DENND2C: variants seen among roughly 807,000 people sequenced by gnomAD.
The protein encoded by DENND2C is DENN domain containing 2C, also known as DENN domain-containing protein 2C.
DENND2C carries 72 observed loss-of-function variants against 112.4 expected under a neutral mutation model. That is an observed-to-expected ratio of 0.64 (90% CI 0.53 to 0.78). DENND2C has a LOEUF of 0.78. Among genes scored for constraint, DENND2C ranks in the 30% least tolerant of loss-of-function variants. The pLI is 0.00. For synonymous variants in DENND2C, 329 were observed against 381.6 expected, an observed-to-expected ratio of 0.86 and a Z score of 1.61; for missense variants, 992 against 1,113.8, an observed-to-expected ratio of 0.89 and a Z score of 1.56.
At chr1:114,610,936 A>G in intron 9 of DENND2C, 137 bp downstream of exon 9, 1 of 962,384 alleles carries the variant, frequency 1.0e-6, no homozygotes, top group South Asian at 1.6e-5. Context: ...AAACCTCAAC[A>G]GGCTCTGAAA....
At chr1:114,604,847 G>T in intron 11 of DENND2C, 75 bp downstream of exon 11, 2 of 1,035,464 alleles carry the variant, frequency 1.9e-6, no homozygotes, top group Non-Finnish European at 3.0e-6. Flanking sequence ...ACTAATGGCT[G>T]TACCCATTTC....
intron 4 of DENND2C, among the ~76,000 whole-genome samples, chr1:114,624,879 C>G (rs1286445040): frequency 6.6e-6 from 1 of 152,134 alleles, no homozygotes; most frequent in East Asian, 1.9e-4. Context: ...CCTCAGCCTC[C>G]CAAAGTGCTG....
At position 114,613,528 on chromosome 1, in the gene DENND2C, G is replaced by C. The variant is rs146031909; in HGVS notation, c.1325-2411C>G. ...TCAAAATTAACCACCATGACAAAAA[G>C]TATAGTGTGACTATAAAATATTATT... On this transcript the variant is annotated intron_variant, in intron 8 of 20. Transcript: ENST00000393274. Among the ~76,000 whole-genome samples, 373 of 152,238 alleles carry C rather than the reference G, an allele frequency of 2.5e-3. 2 individuals are homozygous for C. Among genetic ancestry groups the C allele is most frequent in the Non-Finnish European group, 3.8e-3 (258 of 68,016 alleles).
chr1:114,634,114 CA>C (rs1656580694), intron 3 of DENND2C, among the ~76,000 whole-genome samples: 1 of 152,192 alleles, frequency 6.6e-6, no homozygotes, highest in South Asian at 2.1e-4. Context: ...ATAAGAGTTT[CA>C]AAAATGTAAG....
At chr1:114,610,219 G>A (rs1472168718) in intron 9 of DENND2C, among the ~76,000 whole-genome samples, 1 of 152,198 alleles carries the variant, frequency 6.6e-6, no homozygotes, top group Non-Finnish European at 1.5e-5. Context: ...TTAGATGAAG[G>A]ATGAAGGCAC....
chr1:114,585,751 A>C, intron 20 of DENND2C, 120 bp from the exon 21 acceptor site: 12 of 993,230 alleles, frequency 1.2e-5, no homozygotes, highest in Non-Finnish European at 1.7e-5. Flanking sequence ...CTGACATCTC[A>C]AACTCAGTTG....
chr1:114,621,636 G>T (rs780376988), intron 7 of DENND2C, among the ~76,000 whole-genome samples: 2 of 152,108 alleles, frequency 1.3e-5, no homozygotes, highest in East Asian at 3.8e-4. Context: ...ATAGGCAGAC[G>T]ATTTTAATGA....
chr1:114,653,742 C>G (rs1431216951), intron 2 of DENND2C, among the ~76,000 whole-genome samples: 1 of 151,558 alleles, frequency 6.6e-6, no homozygotes, highest in Non-Finnish European at 1.5e-5. Flanking sequence ...TAAGTAAAAC[C>G]CTAGTAAATG....
intron 1 of DENND2C, among the ~76,000 whole-genome samples, chr1:114,664,403 A>G (rs1308437152): frequency 6.6e-6 from 1 of 152,148 alleles, no homozygotes; most frequent in African/African-American, 2.4e-5. Context: ...GCTTAGGCCC[A>G]GAAGTTTAAG....
intron 8 of DENND2C, among the ~76,000 whole-genome samples, chr1:114,617,668 A>AC (rs1312337543): frequency 2.0e-5 from 3 of 152,100 alleles, no homozygotes; most frequent in Non-Finnish European, 4.4e-5. Flanking sequence ...AAAAAAAAAA[A>AC]ACCAGATAAA....
intron 18 of DENND2C, among the ~76,000 whole-genome samples, chr1:114,590,211 T>C (rs778524092): frequency 1.3e-5 from 2 of 151,980 alleles, no homozygotes; most frequent in East Asian, 1.9e-4. Flanking sequence ...CTGGGCAACA[T>C]AGACTCCATC....
chr1:114,635,602 C>T (rs370048319), intron 3 of DENND2C, among the ~76,000 whole-genome samples: 5 of 152,112 alleles, frequency 3.3e-5, no homozygotes, highest in Non-Finnish European at 4.4e-5. Flanking sequence ...ACAATTTCAA[C>T]TCATTTTATG....
intron 3 of DENND2C, among the ~76,000 whole-genome samples, chr1:114,642,303 C>G (rs1298322011): frequency 6.6e-6 from 1 of 152,108 alleles, no homozygotes; most frequent in Admixed American, 6.6e-5. Flanking sequence ...AAGATAAAGT[C>G]TATACTCCTT....
intron 11 of DENND2C, among the ~76,000 whole-genome samples, chr1:114,603,339 A>G (rs1655570247): frequency 6.6e-6 from 1 of 151,584 alleles, no homozygotes; most frequent in Admixed American, 6.6e-5. Flanking sequence ...GGGTTTAACT[A>G]TGTTGGCCAG....
intron 18 of DENND2C, among the ~76,000 whole-genome samples, chr1:114,593,318 C>CGTAT (rs1655246661): frequency 1.3e-5 from 2 of 152,192 alleles, no homozygotes; most frequent in Non-Finnish European, 2.9e-5. Context: ...TCACTCTATA[C>CGTAT]GATCATCTCA....
intron 3 of DENND2C, among the ~76,000 whole-genome samples, chr1:114,643,073 G>A (rs1235726074): frequency 6.6e-6 from 1 of 152,102 alleles, no homozygotes; most frequent in Admixed American, 6.5e-5. Flanking sequence ...ACTCATTCTT[G>A]CTGGAGACAC....
chr1:114,636,924 C>T (rs982675340), intron 3 of DENND2C, among the ~76,000 whole-genome samples: 4 of 151,414 alleles, frequency 2.6e-5, no homozygotes, highest in African/African-American at 9.7e-5. Flanking sequence ...AAATGAAATT[C>T]AAAATAACAG....
chr1:114,620,203 A>G (rs1238156678), intron 7 of DENND2C, among the ~76,000 whole-genome samples: 1 of 152,234 alleles, frequency 6.6e-6, no homozygotes, highest in East Asian at 1.9e-4. Context: ...TTTGTATTGC[A>G]TAAGGGACAT....
At chr1:114,659,844 T>C (rs1657444892) in intron 1 of DENND2C, among the ~76,000 whole-genome samples, 1 of 137,560 alleles carries the variant, frequency 7.3e-6, no homozygotes, top group South Asian at 2.7e-4. Context: ...CAGGATGCAG[T>C]GCACTGGCAT....
Sources: allele counts gnomAD v4.1 joint callset (sites outside exome capture counted in the v4.1 genomes callset), GRCh38; gene constraint gnomAD v4.1.1; transcripts MANE v1.5; gene names NCBI Gene and HGNC (gene_info 2026-07-23, HGNC 2026-07-21).